Variants in ZSWIM6 observed in about 807,000 individuals in gnomAD.
ZSWIM6 encodes zinc finger SWIM domain-containing protein 6.
A neutral mutation model predicts 113.2 loss-of-function variants in ZSWIM6; 9 were observed. The ratio of observed to expected loss-of-function variants is 0.08; its 90% CI spans 0.05 to 0.14. The LOEUF (loss-of-function observed/expected upper bound fraction) is 0.14. Ranked by LOEUF, ZSWIM6 falls within the 10% of genes least tolerant of loss-of-function variation. ZSWIM6 has a pLI of 1.00. For synonymous variants in ZSWIM6, 611 were observed against 606.5 expected, an observed-to-expected ratio of 1.01 and a Z score of -0.11; for missense variants, 1,162 against 1,552.2, an observed-to-expected ratio of 0.75 and a Z score of 4.22.
Position 61,531,498 on chromosome 5 carries a change from A to G in ZSWIM6, c.2018A>G (p.Gln673Arg), listed in dbSNP as rs1749430367. 6.4e-7 allele frequency: 1 copy of G among 1,551,628 alleles called. No homozygotes were observed. The highest frequency in any genetic ancestry group is 8.7e-7 in the Non-Finnish European group (1 of 1,146,890). The change falls in exon 9 of 14, where the codon CAG (glutamine) becomes CGG (arginine). Residue 673 changes from glutamine to arginine, a missense_variant. By Grantham distance (43) the Gln-to-Arg change is conservative. Coordinates refer to ENST00000252744, the MANE Select transcript of ZSWIM6 (RefSeq NM_020928.2). ...NMGQCKSLEY[Q>R]HLPAHKFLEE... Reference sequence around the variant, plus strand: ...GGACAGTGCAAGTCTCTGGAATACCAGCATCTACCTGCACACAAATTCTTA... The same window carrying G: ...GGACAGTGCAAGTCTCTGGAATACCGGCATCTACCTGCACACAAATTCTTA...
chr5:61,420,584 C>T (rs1746336069), intron 1 of ZSWIM6, among the ~76,000 whole-genome samples: 1 of 151,840 alleles, frequency 6.6e-6, no homozygotes, highest in South Asian at 2.1e-4. Flanking sequence ...CAGAGGCTGC[C>T]GGGGAGTGGT....
At chr5:61,377,673 C>A (rs1251358089) in intron 1 of ZSWIM6, among the ~76,000 whole-genome samples, 1 of 151,316 alleles carries the variant, frequency 6.6e-6, no homozygotes, top group Non-Finnish European at 1.5e-5. Flanking sequence ...GCCAAGATCA[C>A]ACCACTGCAC....
chr5:61,411,221 C>T (rs564570438), intron 1 of ZSWIM6, among the ~76,000 whole-genome samples: 107 of 152,282 alleles, frequency 7.0e-4, no homozygotes, highest in African/African-American at 2.5e-3. Flanking sequence ...AAAATACAGT[C>T]CTCTCAAAAT....
rs1466317494 is a variant in ZSWIM6 at position 61,531,547 on chromosome 5, G to A, written c.2067G>A (p.Thr689=). ...TAGAAGAAGGGGAATCCTATTTAAC[G>A]CTGGCTGTGGAAGTAGCCCTGATAG... is the stretch of plus-strand genomic sequence containing the variant. The part of the protein sequence containing the change: ...KFLEEGESYL[T]LAVEVALIGL... Residue 689 remains threonine, a synonymous_variant, in exon 9 of 14, where the codon ACG becomes ACA. Coordinates refer to ENST00000252744, the MANE Select transcript of ZSWIM6 (RefSeq NM_020928.2). The A allele has an allele frequency of 4.5e-6, 7 of 1,551,524 alleles. No homozygotes were observed. Among genetic ancestry groups the A allele is most frequent in the Admixed American group, 3.9e-5 (2 of 50,978 alleles).
At chr5:61,379,555 T>A (rs1745437272) in intron 1 of ZSWIM6, among the ~76,000 whole-genome samples, 1 of 152,184 alleles carries the variant, frequency 6.6e-6, no homozygotes, top group Admixed American at 6.5e-5. Context: ...AGACAAATAA[T>A]TTAATACCAC....
chr5:61,353,357 C>T (rs1326556301), intron 1 of ZSWIM6, among the ~76,000 whole-genome samples: 7 of 152,164 alleles, frequency 4.6e-5, no homozygotes, highest in Admixed American at 4.6e-4. Flanking sequence ...TATTCTCATT[C>T]TAAGGCTGAG....
At chr5:61,482,919 T>C (rs1747915141) in intron 2 of ZSWIM6, among the ~76,000 whole-genome samples, 1 of 150,792 alleles carries the variant, frequency 6.6e-6, no homozygotes, top group Non-Finnish European at 1.5e-5. Flanking sequence ...TTTTTTTTTC[T>C]CCAGTGCATT....
In ZSWIM6 at chr5:61,521,430, A is replaced by G. The variant is rs1432334308; in HGVS notation, c.1501A>G (p.Asn501Asp). 1.4e-6 allele frequency: 2 copies of G among 1,471,472 alleles called. No homozygotes were observed. Among genetic ancestry groups the G allele is most frequent in the Admixed American group, 2.4e-5 (1 of 42,184 alleles). 91.2% of individuals were successfully genotyped at this position (1,471,472 alleles called of 1,614,324 possible). A position where few individuals can be genotyped will look rare whatever the true frequency, so the allele number is the denominator to read the frequency against. ...NLTNALPQGANANQDSSNRPH... is the reference protein window; with the variant it reads ...NLTNALPQGADANQDSSNRPH... Reference sequence around the variant, plus strand: ...AACCAATGCTCTGCCTCAGGGTGCAAATGCCAACCAAGGTGAGTCTACCAT... The same window carrying G: ...AACCAATGCTCTGCCTCAGGGTGCAGATGCCAACCAAGGTGAGTCTACCAT... The change falls in exon 5 of 14, where the codon AAT becomes GAT. Residue 501 changes from asparagine to aspartate, a missense_variant. Asn to Asp is a conservative substitution (Grantham distance 23). This residue lies in a region of ZSWIM6 where 620 missense variants were observed against 804.6 expected (regional missense o/e 0.77). Transcript: ENST00000252744.
chr5:61,392,528 G>A (rs572902743), intron 1 of ZSWIM6, among the ~76,000 whole-genome samples: 2 of 152,296 alleles, frequency 1.3e-5, no homozygotes, highest in South Asian at 4.1e-4. Context: ...GTGCTCACAT[G>A]CACATACCAA....
intron 1 of ZSWIM6, among the ~76,000 whole-genome samples, chr5:61,422,075 A>C (rs1202873040): frequency 6.6e-6 from 1 of 152,090 alleles, no homozygotes; most frequent in African/African-American, 2.4e-5. Flanking sequence ...AATTGATGTG[A>C]TCCCATTTGT....
chr5:61,397,593 G>A (rs1745864202), intron 1 of ZSWIM6, among the ~76,000 whole-genome samples: 1 of 151,948 alleles, frequency 6.6e-6, no homozygotes, highest in Non-Finnish European at 1.5e-5. Flanking sequence ...TTAAAAACAT[G>A]AACCTTTAAA....
In ZSWIM6 at chr5:61,522,088, TG is replaced by T. The variant is rs201936176; in HGVS notation, c.1513+647del. ...TGTCTCATTTCTGTCCTGTTTTTTT[TG>T]TTTGTTTTTTTTTGTTTTTTGTTTT... On this transcript the variant is annotated intron_variant, in intron 5 of 13. Coordinates refer to ENST00000252744, the MANE Select transcript of ZSWIM6 (RefSeq NM_020928.2). 1.1e-3 allele frequency among the ~76,000 whole-genome samples: 162 copies of T among 143,990 alleles called. 1 individual carries two copies. Among genetic ancestry groups the T allele is most frequent in the Middle Eastern group, 7.1e-3 (2 of 280 alleles). 94.5% of individuals were successfully genotyped at this position (143,990 alleles called of 152,430 possible).
At chr5:61,405,483 G>A (rs1746024565) in intron 1 of ZSWIM6, among the ~76,000 whole-genome samples, 1 of 152,180 alleles carries the variant, frequency 6.6e-6, no homozygotes, top group South Asian at 2.1e-4. Flanking sequence ...TAGACTTTAT[G>A]AGGGGCTAAC....
intron 1 of ZSWIM6, among the ~76,000 whole-genome samples, chr5:61,364,704 C>T (rs146839373): frequency 2.6e-5 from 4 of 152,172 alleles, no homozygotes; most frequent in Admixed American, 6.5e-5. Context: ...ATTCCTGGTT[C>T]GTAGATGACA....
At chr5:61,413,428 G>A (rs2112116075) in intron 1 of ZSWIM6, among the ~76,000 whole-genome samples, 1 of 151,944 alleles carries the variant, frequency 6.6e-6, no homozygotes, top group Non-Finnish European at 1.5e-5. Flanking sequence ...ATCATTGTTG[G>A]ACATTTGGCT....
intron 2 of ZSWIM6, among the ~76,000 whole-genome samples, chr5:61,487,957 G>C (rs1169642659): frequency 3.3e-5 from 5 of 151,938 alleles, no homozygotes; most frequent in African/African-American, 1.2e-4. Flanking sequence ...TCTTATTCCA[G>C]TTCTTAGAAT....
intron 1 of ZSWIM6, among the ~76,000 whole-genome samples, chr5:61,404,543 GA>G (rs1746010425): frequency 6.6e-6 from 1 of 152,186 alleles, no homozygotes; most frequent in Non-Finnish European, 1.5e-5. Flanking sequence ...GTAGAGGAGG[GA>G]AGATGAACTT....
intron 1 of ZSWIM6, among the ~76,000 whole-genome samples, chr5:61,364,508 A>G (rs779465264): frequency 6.6e-6 from 1 of 152,238 alleles, no homozygotes; most frequent in South Asian, 2.1e-4. Flanking sequence ...TTCAGAGTCT[A>G]TAAATAAAGC....
At chr5:61,392,991 T>A (rs1745755994) in intron 1 of ZSWIM6, among the ~76,000 whole-genome samples, 1 of 152,066 alleles carries the variant, frequency 6.6e-6, no homozygotes, top group Non-Finnish European at 1.5e-5. Context: ...CCATGTTGTG[T>A]TCTCATATAT....
Sources: gnomAD v4.1 joint callset for allele counts (sites outside exome capture counted in the v4.1 genomes callset) on GRCh38, gnomAD v4.1.1 for gene constraint, gnomAD v4.1.1 regional missense constraint, MANE v1.5 for transcripts, NCBI Gene and HGNC (gene_info 2026-07-23, HGNC 2026-07-21) for gene names.